Variants in SNTA1 observed in about 807,000 individuals in gnomAD.
SNTA1 encodes the protein alpha-1-syntrophin.
A neutral mutation model predicts 47.1 loss-of-function variants in SNTA1; 31 were observed. The ratio of observed to expected loss-of-function variants is 0.66; its 90% CI spans 0.49 to 0.89. SNTA1 has a LOEUF of 0.89. SNTA1 is among the 40% of genes least tolerant of loss of function. The pLI is 0.00. For synonymous variants in SNTA1, 300 were observed against 313.6 expected (o/e 0.96, Z 0.46); for missense variants, 575 against 693.0 (o/e 0.83, Z 1.91).
intron 5 of SNTA1, 115 bp from the exon 6 acceptor site, chr20:33,410,446 G>A: frequency 1.5e-6 from 1 of 689,022 alleles, no homozygotes; most frequent in Non-Finnish European, 2.5e-6. Flanking sequence ...CCACCTAACA[G>A]GACAGGACTT....
Position 33,412,051 on chromosome 20 carries a change from T to G in SNTA1, c.1040+245A>C, listed in dbSNP as rs976627049. Among the ~76,000 whole-genome samples the G allele has an allele frequency of 5.3e-5, 8 of 152,238 alleles. 1 individual carries two copies. The highest frequency in any genetic ancestry group is 2.6e-4 in the Admixed American group (4 of 15,272). ...CTGTTGGGGTCAGCTCTGTGCCCTC[T>G]GAACCATGCAGCACAAGGCATAAGT... On this transcript the variant is annotated intron_variant, in intron 5 of 7. Transcript: ENST00000217381.
chr20:33,436,268 T>C (rs1279118514), intron 2 of SNTA1, among the ~76,000 whole-genome samples: 1 of 152,140 alleles, frequency 6.6e-6, no homozygotes, highest in Non-Finnish European at 1.5e-5. Flanking sequence ...GGATTTGAAT[T>C]GTGTCTATAG....
At chr20:33,413,628 A>G (rs1405456192) in intron 3 of SNTA1, among the ~76,000 whole-genome samples, 2 of 149,428 alleles carry the variant, frequency 1.3e-5, no homozygotes, top group African/African-American at 2.4e-5. Flanking sequence ...GAGCAGGGGA[A>G]AAAAAAAAAA....
intron 3 of SNTA1, among the ~76,000 whole-genome samples, chr20:33,416,406 C>T (rs1261496174): frequency 6.6e-6 from 1 of 152,256 alleles, no homozygotes; most frequent in Non-Finnish European, 1.5e-5. Flanking sequence ...ACTCAGGTAT[C>T]TTGCACCTTC....
intron 3 of SNTA1, among the ~76,000 whole-genome samples, chr20:33,415,464 G>C (rs1208071177): frequency 6.6e-6 from 1 of 152,038 alleles, no homozygotes; most frequent in African/African-American, 2.4e-5. Context: ...AGATCAGCCT[G>C]GCCAATGTGG....
rs765352601 is a variant in SNTA1, at chr20:33,443,381, C to T, written c.240G>A (p.Ala80=). ...TCACGCGGCGCCGCTGGAGCAGTAG[C>T]GCCTCTGGCAGCTGCGGGGGCCCGG... is the stretch of plus-strand genomic sequence containing the variant. ...PGAGPPQLPE[A]LLLQRRRVTV... is the part of the protein sequence containing the mutation. Residue 80 remains alanine, a synonymous_variant, in exon 1 of 8, where the codon GCG becomes GCA. Coordinates refer to ENST00000217381, the MANE Select transcript of SNTA1 (RefSeq NM_003098.3). 17 of 1,416,676 alleles carry T rather than the reference C, an allele frequency of 1.2e-5. No homozygotes were observed. The highest frequency in any genetic ancestry group is 5.8e-5 in the Admixed American group (2 of 34,512). 87.8% of individuals were successfully genotyped at this position (1,416,676 alleles called of 1,614,324 possible). A position where few individuals can be genotyped will look rare whatever the true frequency, so the allele number is the denominator to read the frequency against.
At chr20:33,424,801 C>T (rs1207934902) in intron 2 of SNTA1, among the ~76,000 whole-genome samples, 1 of 150,778 alleles carries the variant, frequency 6.6e-6, no homozygotes, top group African/African-American at 2.4e-5. Flanking sequence ...GTTTGAGCCA[C>T]CGTGCCTGGC....
chr20:33,419,449 A>G (rs1463498729), intron 2 of SNTA1, among the ~76,000 whole-genome samples: 2 of 152,230 alleles, frequency 1.3e-5, no homozygotes, highest in South Asian at 4.1e-4. Flanking sequence ...GGGAGTTACA[A>G]ACCCTATTGG....
rs1989642666 is a variant in SNTA1 at position 33,408,220 on chromosome 20, T to C, written c.*287A>G. ...GGGTCAGGATCCGCACAGGGGCAGG[T>C]CCCAGACTCGGAATGGCTTCTGTGT... is the stretch of plus-strand genomic sequence containing the variant. On this transcript the variant is annotated 3_prime_UTR_variant, in exon 8 of 8. Coordinates refer to ENST00000217381, the MANE Select transcript of SNTA1 (RefSeq NM_003098.3). The C allele has an allele frequency of 8.7e-6, 4 of 458,846 alleles. No individual in the cohort carries two copies. Among genetic ancestry groups the C allele is most frequent in the South Asian group, 8.3e-5 (4 of 48,392 alleles). The allele number at this position is 458,846 out of a possible 1,614,324, so 28.4% of individuals were successfully genotyped here. A position where few individuals can be genotyped will look rare whatever the true frequency, so the allele number is the denominator to read the frequency against.
chr20:33,418,792 CAAAAAAAAA>C (rs760390793), intron 2 of SNTA1, among the ~76,000 whole-genome samples: 1,482 of 57,366 alleles, frequency 0.026, 38 homozygotes, highest in Middle Eastern at 0.097. Flanking sequence ...GACTCTGTCT[CAAAAAAAAA>C]AAAAAAAAAA....
At chr20:33,409,042 G>A (rs1385364540) in intron 6 of SNTA1, among the ~76,000 whole-genome samples, 154 bp from the exon 7 acceptor site, 2 of 151,706 alleles carry the variant, frequency 1.3e-5, no homozygotes, top group Non-Finnish European at 2.9e-5. Context: ...CCACCCTGCA[G>A]AGAGTCATCA....
chr20:33,430,810 G>T (rs1414436278), intron 2 of SNTA1, among the ~76,000 whole-genome samples: 1 of 151,874 alleles, frequency 6.6e-6, no homozygotes, highest in Admixed American at 6.6e-5. Flanking sequence ...TTAGCCAGGT[G>T]TGGTGGCACA....
chr20:33,415,270 A>G (rs1377244564), intron 3 of SNTA1, among the ~76,000 whole-genome samples: 1 of 152,202 alleles, frequency 6.6e-6, no homozygotes, highest in Non-Finnish European at 1.5e-5. Context: ...AAACATATAC[A>G]CACGTTTCAG....
chr20:33,411,906 T>G (rs1023085820), intron 5 of SNTA1, among the ~76,000 whole-genome samples: 2 of 152,156 alleles, frequency 1.3e-5, no homozygotes, highest in South Asian at 4.1e-4. Context: ...TGTCACCTCC[T>G]CCCTGAAGCC....
At position 33,418,291 on chromosome 20, in the gene SNTA1, TG is replaced by T. The variant is rs748881075; in HGVS notation, c.497-369del. ...TTTTTTTTTTGAGACAGTTTCTCTCTGTCACCCAGACTAGAGTGCCATGGTG... is the reference window on the plus strand; with the variant it reads ...TTTTTTTTTTGAGACAGTTTCTCTCTTCACCCAGACTAGAGTGCCATGGTG... On this transcript the variant is annotated intron_variant, in intron 2 of 7. Coordinates refer to ENST00000217381, the MANE Select transcript of SNTA1 (RefSeq NM_003098.3). 4.0e-5 allele frequency among the ~76,000 whole-genome samples: 6 copies of T among 150,268 alleles called. No homozygotes were observed. In the East Asian group the frequency reaches 1.2e-3, roughly 29 times the overall value.
chr20:33,442,513 T>C (rs1447458670), intron 1 of SNTA1, among the ~76,000 whole-genome samples: 2 of 152,148 alleles, frequency 1.3e-5, no homozygotes, highest in Non-Finnish European at 2.9e-5. Context: ...AGTAATTAAC[T>C]AGGCACCTAC....
chr20:33,439,066 C>T (rs953942011), intron 1 of SNTA1, 40 bp from the exon 2 acceptor site: 5 of 1,559,492 alleles, frequency 3.2e-6, no homozygotes, highest in Non-Finnish European at 4.4e-6. Flanking sequence ...TAGGCAGATA[C>T]TCCAACACTT....
intron 6 of SNTA1, among the ~76,000 whole-genome samples, chr20:33,409,771 C>T (rs1348146983): frequency 1.3e-5 from 2 of 152,094 alleles, no homozygotes; most frequent in African/African-American, 4.8e-5. Flanking sequence ...GCTAGGACTA[C>T]AGGCGCCCAC....
chr20:33,430,144 G>C (rs1365129098), intron 2 of SNTA1, among the ~76,000 whole-genome samples: 1 of 152,120 alleles, frequency 6.6e-6, no homozygotes, highest in Non-Finnish European at 1.5e-5. Flanking sequence ...TAGAATCTTA[G>C]TGATGGGAGA....
Sources: allele counts gnomAD v4.1 joint callset (sites outside exome capture counted in the v4.1 genomes callset), GRCh38; gene constraint gnomAD v4.1.1; transcripts MANE v1.5; gene names NCBI Gene and HGNC (gene_info 2026-07-23, HGNC 2026-07-21).